The following TMEM175 variants were observed in gnomAD, a reference collection of about 807,000 sequenced individuals.
The protein encoded by TMEM175 is transmembrane protein 175.
In TMEM175, 36 loss-of-function variants were observed where a neutral mutation model predicts 36.5. That is an observed-to-expected ratio of 0.99 (90% CI 0.76 to 1.30). TMEM175 has a LOEUF of 1.30. TMEM175 is among the 50% of genes most tolerant of loss of function. The pLI, the probability that TMEM175 is intolerant of heterozygous loss-of-function variation, is 0.00. For synonymous variants in TMEM175, 339 were observed against 313.4 expected (o/e 1.08, Z -0.86); for missense variants, 705 against 692.8 (o/e 1.02, Z -0.20).
At chr4:945,632 A>G (rs2152999610) in intron 1 of TMEM175, among the ~76,000 whole-genome samples, 1 of 152,170 alleles carries the variant, frequency 6.6e-6, no homozygotes, top group South Asian at 2.1e-4. Flanking sequence ...CCTTGGTGTG[A>G]GCAGACTACA....
At chr4:936,422 A>G (rs1390442900) in intron 1 of TMEM175, among the ~76,000 whole-genome samples, 1 of 152,184 alleles carries the variant, frequency 6.6e-6, no homozygotes, top group Non-Finnish European at 1.5e-5. Context: ...CAAAAGCAAT[A>G]GAGAAAATCA....
chr4:947,054 G>A (rs539791183), intron 1 of TMEM175, among the ~76,000 whole-genome samples: 17 of 144,018 alleles, frequency 1.2e-4, no homozygotes, highest in African/African-American at 4.1e-4. Context: ...CACGGGCGCC[G>A]AGACCGAGGG....
In TMEM175 at chr4:957,928, C is replaced by T. The variant is rs917595843; in HGVS notation, c.947C>T (p.Ser316Phe). 4 of 1,612,788 alleles carry T rather than the reference C, an allele frequency of 2.5e-6. No homozygotes were observed. The highest frequency in any genetic ancestry group is 3.4e-6 in the Non-Finnish European group (4 of 1,179,990). ...TGPRFLAYFG[S>F]FATVGLLWFA... ...CCGCGCTTCCTGGCGTACTTCGGCT[C>T]CTTCGCCACAGTGGGACTGCTGTGG... Residue 316 changes from serine to phenylalanine, a missense_variant, in exon 11 of 11, where the codon TCC becomes TTC. Physicochemically the swap from Ser to Phe is radical, Grantham distance 155 (BLOSUM62 -2). Transcript: ENST00000264771.
intron 1 of TMEM175, among the ~76,000 whole-genome samples, chr4:944,594 A>G (rs1051986212): frequency 2.6e-5 from 4 of 152,130 alleles, no homozygotes; most frequent in South Asian, 4.1e-4. Flanking sequence ...CCGTATACAC[A>G]TACGGTGTGT....
At position 958,505 on chromosome 4, in the gene TMEM175, G is replaced by A. The variant is rs1225290041; in HGVS notation, c.*9G>A. 2.7e-6 allele frequency: 4 copies of A among 1,503,908 alleles called. No homozygotes were observed. The highest frequency in any genetic ancestry group is 3.5e-6 in the Non-Finnish European group (4 of 1,128,502). 93.2% of individuals were successfully genotyped at this position (1,503,908 alleles called of 1,614,324 possible). The stretch of plus-strand genomic sequence containing the variant: ...TCCCTGCCCCCTGCTAGCAGCCACA[G>A]AGCCCACTCCCAGCCGTCCTCACCA... On this transcript the variant is annotated 3_prime_UTR_variant, in exon 11 of 11. Coordinates refer to ENST00000264771, the MANE Select transcript of TMEM175 (RefSeq NM_032326.4).
At chr4:957,762 C>A in intron 10 of TMEM175, 62 bp from the exon 11 acceptor site, 2 of 1,506,452 alleles carry the variant, frequency 1.3e-6, no homozygotes, top group Non-Finnish European at 1.8e-6. Context: ...GCTCAGCCAC[C>A]CTGCTGGGGC....
intron 1 of TMEM175, among the ~76,000 whole-genome samples, chr4:943,424 G>A (rs1439576158): frequency 6.6e-6 from 1 of 152,110 alleles, no homozygotes; most frequent in African/African-American, 2.4e-5. Flanking sequence ...GCTAATTTTT[G>A]TATTTTTAGT....
At chr4:946,786 A>AT (rs1728190726) in intron 1 of TMEM175, among the ~76,000 whole-genome samples, 1 of 152,154 alleles carries the variant, frequency 6.6e-6, no homozygotes, top group South Asian at 2.1e-4. Context: ...CTGGCTACAT[A>AT]TGCAGGGCCT....
At chr4:933,124 T>C (rs187374867) in intron 1 of TMEM175, among the ~76,000 whole-genome samples, 209 of 152,322 alleles carry the variant, frequency 1.4e-3, no homozygotes, top group African/African-American at 4.8e-3. Flanking sequence ...AATAAGGAAA[T>C]GGCTCACAGA....
chr4:955,527 G>T lies in TMEM175; in HGVS notation c.706+44G>T, dbSNP rs561824968. On this transcript the variant is annotated intron_variant, in intron 9 of 10. Transcript: ENST00000264771. ...GGCTGGCCTGAGAGGCCTGTAGTCCGCCCACCTCCGTGCGGCTGCTCCGCA... is the reference window on the plus strand; with the variant it reads ...GGCTGGCCTGAGAGGCCTGTAGTCCTCCCACCTCCGTGCGGCTGCTCCGCA... The T allele has an allele frequency of 8.2e-6, 13 of 1,576,718 alleles. No individual in the cohort carries two copies. In the Admixed American group the frequency reaches 2.2e-4, roughly 27 times the overall value.
At chr4:949,744 C>T (rs1477705012) in intron 3 of TMEM175, among the ~76,000 whole-genome samples, 1 of 151,946 alleles carries the variant, frequency 6.6e-6, no homozygotes, top group African/African-American at 2.4e-5. Flanking sequence ...TGCCTCCACG[C>T]CCACCGCGGC....
intron 3 of TMEM175, among the ~76,000 whole-genome samples, chr4:948,770 T>G (rs984415741): frequency 6.6e-6 from 1 of 152,328 alleles, no homozygotes; most frequent in South Asian, 2.1e-4. Context: ...CGGCCCAAGC[T>G]TCATGGGTGC....
At chr4:936,617 G>T (rs370307846) in intron 1 of TMEM175, among the ~76,000 whole-genome samples, 1 of 151,562 alleles carries the variant, frequency 6.6e-6, no homozygotes, top group African/African-American at 2.4e-5. Context: ...TACACTAAAC[G>T]AACAAATTCC....
intron 1 of TMEM175, among the ~76,000 whole-genome samples, chr4:933,507 A>C (rs1726354887): frequency 6.6e-6 from 1 of 152,108 alleles, no homozygotes; most frequent in Admixed American, 6.6e-5. Flanking sequence ...AATAATTGAA[A>C]GGCCTAAATG....
At chr4:950,567 C>T (rs554024405) in intron 4 of TMEM175, 49 bp downstream of exon 4, 13 of 1,396,140 alleles carry the variant, frequency 9.3e-6, no homozygotes, top group East Asian at 6.8e-5. Flanking sequence ...TCAAGGTTCC[C>T]GTACCCCGCA....
chr4:947,934 C>T (rs1728390578), intron 2 of TMEM175, 42 bp downstream of exon 2: 13 of 1,613,698 alleles, frequency 8.1e-6, no homozygotes, highest in Non-Finnish European at 1.0e-5. Flanking sequence ...CACCCCGAGC[C>T]TCTCGAGGCA....
At chr4:953,060 TGC>T in intron 7 of TMEM175, 128 bp from the exon 8 acceptor site, 1 of 956,146 alleles carries the variant, frequency 1.0e-6, no homozygotes, top group Non-Finnish European at 1.5e-6. Context: ...GCGCGTGCCA[TGC>T]AGCCCGGGGC....
rs1340519628 is a variant in TMEM175 at position 956,651 on chromosome 4, C to T, written c.842+761C>T. ...TAGAGATGAGGTTTCACCAAGTTGG[C>T]CAGGCTGGTCTTGAACTCCTGACCT... On this transcript the variant is annotated intron_variant, in intron 10 of 10. Coordinates refer to ENST00000264771, the MANE Select transcript of TMEM175 (RefSeq NM_032326.4). 1.5e-5 allele frequency: 6 copies of T among 396,710 alleles called. No individual in the cohort carries two copies. In the East Asian group the frequency reaches 3.8e-4, roughly 25 times the overall value. 24.6% of individuals were successfully genotyped at this position (396,710 alleles called of 1,614,324 possible).
chr4:935,067 C>A (rs2152995710), intron 1 of TMEM175, among the ~76,000 whole-genome samples: 1 of 152,272 alleles, frequency 6.6e-6, no homozygotes, highest in Middle Eastern at 3.4e-3. Flanking sequence ...AGAAACCTAG[C>A]AAATAACTCA....
Sources: gnomAD v4.1 joint callset for allele counts (sites outside exome capture counted in the v4.1 genomes callset) on GRCh38, gnomAD v4.1.1 for gene constraint, MANE v1.5 for transcripts, NCBI Gene and HGNC (gene_info 2026-07-23, HGNC 2026-07-21) for gene names.